ELF2: variants seen among roughly 807,000 people sequenced by gnomAD.
The protein encoded by ELF2 is ETS-related transcription factor Elf-2.
Under a neutral mutation model 54.8 loss-of-function variants are expected in ELF2, and 11 were observed. The observed-to-expected ratio is 0.20, with a 90% CI of 0.13 to 0.33. The LOEUF is 0.33. ELF2 is among the 10% of genes least tolerant of loss of function. ELF2 has a pLI of 1.00. For missense variants in ELF2, 513 were observed against 703.0 expected, an observed-to-expected ratio of 0.73 and a Z score of 3.06; for synonymous variants, 203 against 245.1, an observed-to-expected ratio of 0.83 and a Z score of 1.61.
chr4:139,133,498 A>G (rs1193686399), intron 3 of ELF2, among the ~76,000 whole-genome samples: 2 of 152,098 alleles, frequency 1.3e-5, no homozygotes, highest in African/African-American at 2.4e-5. Context: ...AAGGCCTTCA[A>G]CTCTGTTCTT....
intron 1 of ELF2, among the ~76,000 whole-genome samples, chr4:139,160,009 C>T (rs1459360557): frequency 2.0e-5 from 3 of 152,138 alleles, no homozygotes; most frequent in South Asian, 2.1e-4. Context: ...GGGGGCGGAG[C>T]GGTAGCCTCA....
At chr4:139,106,309 G>A (rs1323652166) in intron 4 of ELF2, among the ~76,000 whole-genome samples, 1 of 151,964 alleles carries the variant, frequency 6.6e-6, no homozygotes, top group African/African-American at 2.4e-5. Context: ...ATTTAAACTG[G>A]CTTTCAGATC....
At chr4:139,061,310 G>T (rs369029584) in intron 8 of ELF2, among the ~76,000 whole-genome samples, 25 of 151,914 alleles carry the variant, frequency 1.6e-4, no homozygotes, top group Non-Finnish European at 1.0e-4. Flanking sequence ...GAATAGCTGG[G>T]ATTACAGGCG....
intron 4 of ELF2, among the ~76,000 whole-genome samples, chr4:139,102,919 G>A (rs560465509): frequency 5.3e-5 from 8 of 151,670 alleles, no homozygotes; most frequent in South Asian, 2.1e-4. Context: ...ACAGGGTCTC[G>A]CTCTGTCAGA....
At chr4:139,177,547 A>G (rs1743099631), upstream of ELF2, among the ~76,000 whole-genome samples, 1 of 151,444 alleles carries the variant, frequency 6.6e-6, no homozygotes, top group Non-Finnish European at 1.5e-5. Flanking sequence ...CCGCCTTCCC[A>G]GGTAAAGACG....
chr4:139,075,564 G>T (rs1311244756), intron 4 of ELF2, among the ~76,000 whole-genome samples: 1 of 152,100 alleles, frequency 6.6e-6, no homozygotes, highest in Non-Finnish European at 1.5e-5. Context: ...TGAGTAGCTG[G>T]GATTACAGGC....
intron 4 of ELF2, among the ~76,000 whole-genome samples, chr4:139,096,301 A>G (rs569054208): frequency 6.6e-6 from 1 of 152,154 alleles, no homozygotes; most frequent in Non-Finnish European, 1.5e-5. Context: ...TATCCTCTGA[A>G]ATTTTAGTAA....
chr4:139,075,427 GATTTTT>G (rs1730167348), intron 4 of ELF2, among the ~76,000 whole-genome samples: 1 of 151,844 alleles, frequency 6.6e-6, no homozygotes, highest in Admixed American at 6.6e-5. Context: ...CAGACATGCG[GATTTTT>G]ATTTTTATTT....
At chr4:139,087,070 T>C (rs935888411) in intron 4 of ELF2, among the ~76,000 whole-genome samples, 2 of 152,194 alleles carry the variant, frequency 1.3e-5, no homozygotes, top group African/African-American at 4.8e-5. Context: ...GGGTCCAGTA[T>C]TTACTGTTTT....
At chr4:139,147,276 A>G (rs562889274) in intron 1 of ELF2, among the ~76,000 whole-genome samples, 3 of 152,334 alleles carry the variant, frequency 2.0e-5, no homozygotes, top group Non-Finnish European at 2.9e-5. Flanking sequence ...CAACACATAA[A>G]TGAAAAAGTG....
intron 4 of ELF2, among the ~76,000 whole-genome samples, chr4:139,121,095 ATTTTTTTTTTTTTT>A (rs10711256): frequency 1.4e-4 from 9 of 65,084 alleles, no homozygotes; most frequent in South Asian, 1.3e-3. Flanking sequence ...TATAACACAG[ATTTTTTTTTTTTTT>A]TTTTTTTTTT....
At chr4:139,160,147 C>A (rs534790325) in intron 1 of ELF2, among the ~76,000 whole-genome samples, 1 of 152,262 alleles carries the variant, frequency 6.6e-6, no homozygotes, top group South Asian at 2.1e-4. Context: ...ACCATCCTGG[C>A]TAACACGGTG....
chr4:139,169,390 G>C (rs1244621046), intron 1 of ELF2, among the ~76,000 whole-genome samples: 2 of 149,596 alleles, frequency 1.3e-5, no homozygotes, highest in Non-Finnish European at 1.5e-5. Context: ...ACTCATAAAG[G>C]CCACAACCCT....
chr4:139,151,096 A>AAAGGGAGAAAGAAAGAAAG (rs1560871880), intron 1 of ELF2, among the ~76,000 whole-genome samples: 1 of 128,210 alleles, frequency 7.8e-6, no homozygotes, highest in African/African-American at 3.2e-5. Context: ...AAGAAAGAAA[A>AAAGGGAGAAAGAAAGAAAG]AGAGAGCTAT....
At position 139,058,837 on chromosome 4, in the gene ELF2, A is replaced by G. The variant is rs1480887277; in HGVS notation, c.*146T>C. The G allele has an allele frequency of 1.1e-4, 126 of 1,147,472 alleles. No homozygotes were observed. The highest frequency in any genetic ancestry group is 1.5e-4 in the Non-Finnish European group (122 of 839,936). The allele number at this position is 1,147,472 out of a possible 1,614,324, so 71.1% of individuals were successfully genotyped here. A position where few individuals can be genotyped will look rare whatever the true frequency, so the allele number is the denominator to read the frequency against. On this transcript the variant is annotated 3_prime_UTR_variant, in exon 10 of 10. Coordinates refer to ENST00000686138, the MANE Select transcript of ELF2 (RefSeq NM_001331036.3). ...TTTCCCACTGAAACATGGGATAGGTAATTTATTTCCAGTAAGTCTGATTGT... is the reference window on the plus strand; with the variant it reads ...TTTCCCACTGAAACATGGGATAGGTGATTTATTTCCAGTAAGTCTGATTGT...
intron 4 of ELF2, among the ~76,000 whole-genome samples, chr4:139,124,178 T>C (rs1377062659): frequency 6.6e-6 from 1 of 152,154 alleles, no homozygotes; most frequent in Admixed American, 6.5e-5. Flanking sequence ...ACACCCAGCT[T>C]GGCTGCCTAT....
At chr4:139,092,789 A>G (rs1477088366) in intron 4 of ELF2, among the ~76,000 whole-genome samples, 1 of 151,810 alleles carries the variant, frequency 6.6e-6, no homozygotes, top group African/African-American at 2.4e-5. Context: ...CGACAGAGAG[A>G]CTCCGTCTCA....
intron 4 of ELF2, among the ~76,000 whole-genome samples, chr4:139,122,170 T>A (rs1472170041): frequency 6.6e-6 from 1 of 152,240 alleles, no homozygotes; most frequent in African/African-American, 2.4e-5. Context: ...ATCTAAATTA[T>A]AATGTAGGAG....
At chr4:139,115,855 G>GT (rs1168383989) in intron 4 of ELF2, among the ~76,000 whole-genome samples, 5 of 151,998 alleles carry the variant, frequency 3.3e-5, no homozygotes, top group African/African-American at 7.2e-5. Context: ...GTTTTGTTTT[G>GT]TTTTTTGAGA....
Sources: gnomAD v4.1 joint callset for allele counts (sites outside exome capture counted in the v4.1 genomes callset) on GRCh38, gnomAD v4.1.1 for gene constraint, MANE v1.5 for transcripts, NCBI Gene and HGNC (gene_info 2026-07-23, HGNC 2026-07-21) for gene names.